The following RARB variants were observed in gnomAD, a reference collection of about 807,000 sequenced individuals.
RARB encodes HBV-activated protein.
A neutral mutation model predicts 51.9 loss-of-function variants in RARB; 17 were observed. The ratio of observed to expected loss-of-function variants is 0.33; its 90% CI spans 0.22 to 0.49. The LOEUF is 0.49. Ranked by LOEUF, RARB falls within the 20% of genes least tolerant of loss-of-function variation. The probability of loss-of-function intolerance (pLI) is 0.99; values close to 1 mark genes in which losing one functional copy is unlikely to be tolerated. For missense variants in RARB, 369 were observed against 550.8 expected (o/e 0.67, Z 3.30); for synonymous variants, 215 against 195.4 (o/e 1.10, Z -0.84).
intron 2 of RARB, among the ~76,000 whole-genome samples, chr3:24,923,203 T>C (rs897578622): frequency 5.9e-5 from 9 of 152,302 alleles, no homozygotes; most frequent in South Asian, 4.1e-4. Context: ...TTCATAAATA[T>C]ATAGTTTAAT....
intron 1 of RARB, among the ~76,000 whole-genome samples, chr3:25,458,725 A>G (rs1222995080): frequency 6.6e-6 from 1 of 152,226 alleles, no homozygotes; most frequent in Admixed American, 6.5e-5. Flanking sequence ...TTTATCTACT[A>G]GGACCTGTAC....
intron 5 of RARB, among the ~76,000 whole-genome samples, chr3:25,269,791 A>G (rs988566778): frequency 6.6e-5 from 10 of 152,208 alleles, no homozygotes; most frequent in African/African-American, 2.2e-4. Flanking sequence ...ATCTTTGTTA[A>G]CAAAATTTGT....
chr3:25,184,468 A>G (rs1395222244), intron 5 of RARB, among the ~76,000 whole-genome samples: 1 of 152,114 alleles, frequency 6.6e-6, no homozygotes, highest in Non-Finnish European at 1.5e-5. Context: ...ACTAATCATT[A>G]GGAAAGGTTC....
intron 3 of RARB, among the ~76,000 whole-genome samples, chr3:25,068,820 C>A (rs188252990): frequency 3.3e-5 from 5 of 151,982 alleles, no homozygotes; most frequent in Non-Finnish European, 5.9e-5. Flanking sequence ...AGGGGAAGAG[C>A]GGCTTATCTT....
At chr3:24,886,386 G>A (rs552959345) in intron 2 of RARB, among the ~76,000 whole-genome samples, 19 of 151,570 alleles carry the variant, frequency 1.3e-4, no homozygotes, top group African/African-American at 2.2e-4. Context: ...AAAGAGGACC[G>A]TTATTGGAAA....
intron 1 of RARB, among the ~76,000 whole-genome samples, chr3:24,849,082 A>T (rs1321414597): frequency 1.3e-5 from 2 of 152,226 alleles, no homozygotes; most frequent in African/African-American, 4.8e-5. Context: ...CCTGAAATGG[A>T]GAATAGTCCC....
intron 2 of RARB, among the ~76,000 whole-genome samples, chr3:25,035,360 A>C (rs1697967795): frequency 6.6e-6 from 1 of 150,700 alleles, no homozygotes. Context: ...TAGCTCAAGC[A>C]ATCTGACATG....
At chr3:25,045,358 G>GA (rs750068244) in intron 2 of RARB, among the ~76,000 whole-genome samples, 1 of 152,184 alleles carries the variant, frequency 6.6e-6, no homozygotes, top group African/African-American at 2.4e-5. Flanking sequence ...AGTGAGACAG[G>GA]AGGGGGGTTT....
At chr3:25,513,653 C>T (rs1012399924) in intron 3 of RARB, among the ~76,000 whole-genome samples, 14 of 150,748 alleles carry the variant, frequency 9.3e-5, no homozygotes, top group Non-Finnish European at 1.9e-4. Flanking sequence ...TTTACTTTCT[C>T]TCAAAACTAC....
intron 5 of RARB, among the ~76,000 whole-genome samples, chr3:25,243,167 A>T (rs950257725): frequency 6.6e-6 from 1 of 152,168 alleles, no homozygotes; most frequent in Non-Finnish European, 1.5e-5. Context: ...TTTTATCCTG[A>T]GACTTTGCTG....
chr3:24,986,850 C>G (rs1030381708), intron 2 of RARB, among the ~76,000 whole-genome samples: 3 of 152,100 alleles, frequency 2.0e-5, no homozygotes, highest in Non-Finnish European at 2.9e-5. Context: ...TTTGCCGAAA[C>G]AGCAGAAAAG....
intron 2 of RARB, among the ~76,000 whole-genome samples, chr3:24,978,304 G>A (rs1273269501): frequency 2.0e-5 from 3 of 152,066 alleles, no homozygotes; most frequent in South Asian, 2.1e-4. Flanking sequence ...TTTTTCTGTT[G>A]TTTGGAATAG....
At chr3:25,356,554 G>A (rs555606789) in intron 5 of RARB, among the ~76,000 whole-genome samples, 14 of 151,630 alleles carry the variant, frequency 9.2e-5, no homozygotes, top group African/African-American at 1.9e-4. Flanking sequence ...TGGGATACAC[G>A]TGCAGAATGC....
At chr3:25,143,427 C>A (rs1603980) in intron 4 of RARB, among the ~76,000 whole-genome samples, 6 of 151,994 alleles carry the variant, frequency 3.9e-5, no homozygotes, top group South Asian at 2.1e-4. Flanking sequence ...TTAGTTTAGC[C>A]TAGTGTTCAG....
intron 2 of RARB, among the ~76,000 whole-genome samples, chr3:25,474,671 G>T (rs1280983233): frequency 6.6e-6 from 1 of 152,172 alleles, no homozygotes; most frequent in Non-Finnish European, 1.5e-5. Context: ...TGTTTGTTGT[G>T]TTGAGCTGTG....
At chr3:25,039,276 A>C (rs574107506) in intron 2 of RARB, among the ~76,000 whole-genome samples, 1 of 152,340 alleles carries the variant, frequency 6.6e-6, no homozygotes, top group African/African-American at 2.4e-5. Flanking sequence ...TAGTAGCAGA[A>C]AACGATTGTT....
At chr3:25,215,544 C>A (rs1325808848) in intron 5 of RARB, among the ~76,000 whole-genome samples, 1 of 152,096 alleles carries the variant, frequency 6.6e-6, no homozygotes, top group African/African-American at 2.4e-5. Context: ...GGCAAGAAGG[C>A]CTGTGGTTGA....
intron 5 of RARB, among the ~76,000 whole-genome samples, chr3:25,339,471 C>T (rs1035192310): frequency 1.3e-5 from 2 of 152,134 alleles, no homozygotes; most frequent in Admixed American, 1.3e-4. Flanking sequence ...CATAAATCTT[C>T]CACCACGTGG....
intron 4 of RARB, among the ~76,000 whole-genome samples, chr3:25,146,711 G>A (rs1187263354): frequency 1.3e-5 from 2 of 151,632 alleles, no homozygotes; most frequent in Non-Finnish European, 2.9e-5. Context: ...AGTAGAGACG[G>A]GGTTTCACCA....
Sources: gnomAD v4.1 joint callset for allele counts (sites outside exome capture counted in the v4.1 genomes callset) on GRCh38, gnomAD v4.1.1 for gene constraint, MANE v1.5 for transcripts, NCBI Gene and HGNC (gene_info 2026-07-23, HGNC 2026-07-21) for gene names.